The following AIRE variants were observed in gnomAD, a reference collection of about 807,000 sequenced individuals.
AIRE encodes the protein autoimmune regulator.
AIRE carries 52 observed loss-of-function variants against 62.1 expected under a neutral mutation model. The observed-to-expected ratio is 0.84, with a 90% CI of 0.67 to 1.06. The LOEUF (loss-of-function observed/expected upper bound fraction) is 1.06, where lower values mean the gene tolerates loss of function less well. AIRE is among the 50% of genes least tolerant of loss of function. The pLI is 0.00. For synonymous variants in AIRE, 342 were observed against 321.6 expected (o/e 1.06, Z -0.68); for missense variants, 774 against 755.8 (o/e 1.02, Z -0.28).
At chr21:44,290,502 G>GCCCCACAGA in intron 7 of AIRE, 2 of 937,842 alleles carry the variant, frequency 2.1e-6, no homozygotes, top group Non-Finnish European at 2.5e-6. Context: ...TGGCACCAGG[G>GCCCCACAGA]GCTCTGTGGG....
Position 44,287,471 on chromosome 21 carries a change from C to T in AIRE, c.464-46C>T, listed in dbSNP as rs938495466. On this transcript the variant is annotated intron_variant, in intron 3 of 13. Transcript: ENST00000291582. This position sits in a 1 kb window ranked among gnomAD's most constrained non-coding sequence, Gnocchi z 4.3. ...CGGGCCCCTGCCCACCGGCACTCAC[C>T]CCCACTGAGAGGGGAGGCCAGGCTG... 5.0e-6 allele frequency: 7 copies of T among 1,404,406 alleles called. No homozygotes were observed. The Admixed American group carries it at 1.4e-4, about 28-fold the overall frequency. 87.0% of individuals were successfully genotyped at this position (1,404,406 alleles called of 1,614,324 possible). A position where few individuals can be genotyped will look rare whatever the true frequency, so the allele number is the denominator to read the frequency against.
intron 5 of AIRE, 80 bp from the exon 6 acceptor site, chr21:44,289,577 C>A (rs879658444): frequency 6.3e-7 from 1 of 1,588,260 alleles, no homozygotes; most frequent in Non-Finnish European, 8.6e-7. Context: ...CTCTGCTAGA[C>A]CCCACCCTGG....
intron 12 of AIRE, among the ~76,000 whole-genome samples, chr21:44,296,170 G>A (rs1392922718): frequency 2.0e-5 from 3 of 152,244 alleles, no homozygotes; most frequent in East Asian, 1.9e-4. Flanking sequence ...TCTGGGGGCC[G>A]TGGGCAGCTG....
Position 44,293,059 on chromosome 21 carries a change from A to G in AIRE, c.1162A>G (p.Met388Val). The G allele has an allele frequency of 1.9e-6, 3 of 1,612,506 alleles. No homozygotes were observed. The highest frequency in any genetic ancestry group is 2.2e-5 in the East Asian group (1 of 44,862). Residue 388 changes from methionine (M) to valine (V), a missense_variant, in exon 10 of 14, where the codon ATG becomes GTG. Coordinates refer to ENST00000291582, the MANE Select transcript of AIRE (RefSeq NM_000383.4). ...RGPPGEPLAG[M>V]DTTLVYKHLP... ...TCCACCTGGGGAACCCCTAGCCGGC[A>G]TGGACACGACTCTTGTCTACAAGCA...
chr21:44,289,518 TG>T, intron 5 of AIRE, 138 bp from the exon 6 acceptor site: 1 of 1,229,398 alleles, frequency 8.1e-7, no homozygotes, highest in Non-Finnish European at 1.1e-6. Flanking sequence ...CAGACTCGAC[TG>T]GGGTGGGGGC....
intron 8 of AIRE, among the ~76,000 whole-genome samples, chr21:44,291,507 A>ACGCCCCCATGGGTAGCCGGCCCC (rs1270503849): frequency 6.6e-6 from 1 of 151,918 alleles, no homozygotes. Context: ...GCTGCAGCCC[A>ACGCCCCCATGGGTAGCCGGCCCC]CGCCCCCATG....
Position 44,293,911 on chromosome 21 carries a change from G to GT in AIRE, c.1400+2dup. 1 of 1,596,400 alleles carries GT rather than the reference G, an allele frequency of 6.3e-7. No homozygotes were observed. The highest frequency in any genetic ancestry group is 8.5e-7 in the Non-Finnish European group (1 of 1,179,434). ...TCCCAGCCGGCACCTCCCGGCCCGG[G>GT]TGAGTGAGCGTGGTCGGCGGGGAGG... is the stretch of plus-strand genomic sequence containing the variant. On this transcript the variant is annotated splice_donor_variant, in intron 11 of 13. Transcript: ENST00000291582. LOFTEE classifies it high-confidence loss of function.
At position 44,294,447 on chromosome 21, in the gene AIRE, C is replaced by G. The variant is rs780816581; in HGVS notation, c.1447C>G (p.Pro483Ala). The change falls in exon 12 of 14, where the codon CCT (proline) becomes GCT (alanine). Residue 483 changes from proline to alanine, a missense_variant. By Grantham distance (27) the Pro-to-Ala change is conservative (BLOSUM62 -1). Around this residue, in one of 3 missense-constraint regions of AIRE, gnomAD observed 354 missense variants for 296.1 expected, o/e 1.20. Coordinates refer to ENST00000291582, the MANE Select transcript of AIRE (RefSeq NM_000383.4). The stretch of plus-strand genomic sequence containing the variant: ...CTGCTCAGGAGACGTGACCCCAGCC[C>G]CTGTGGAGGGGGTGCTGGCCCCCAG... ...RSCSGDVTPA[P>A]VEGVLAPSPA... The G allele has an allele frequency of 5.1e-6, 8 of 1,573,790 alleles. No homozygotes were observed. The highest frequency in any genetic ancestry group is 6.9e-6 in the Non-Finnish European group (8 of 1,167,428).
chr21:44,295,131 C>T (rs1030248078), intron 12 of AIRE, among the ~76,000 whole-genome samples: 1 of 152,178 alleles, frequency 6.6e-6, no homozygotes, highest in Non-Finnish European at 1.5e-5. Flanking sequence ...CCGTCCCCAG[C>T]AGAGGCCTCC....
rs769360966 is a variant in AIRE at position 44,292,995 on chromosome 21, C to A, written c.1098C>A (p.Leu366=). The change falls in exon 10 of 14, where the codon CTC becomes CTA. Residue 366 remains leucine (L), a splice_region_variant and synonymous_variant. Coordinates refer to ENST00000291582, the MANE Select transcript of AIRE (RefSeq NM_000383.4). ...RPQEPPVETP[L]PPGLRSAGEE... ...TGATGCTGACCCTTGGGTTCCAGCT[C>A]CCCCCGGGGCTTAGGTCGGCGGGAG... is the stretch of plus-strand genomic sequence containing the variant. 5.0e-6 allele frequency: 8 copies of A among 1,611,962 alleles called. No homozygotes were observed. Among genetic ancestry groups the A allele is most frequent in the Middle Eastern group, 1.7e-4 (1 of 5,926 alleles).
intron 12 of AIRE, among the ~76,000 whole-genome samples, 189 bp downstream of exon 12, chr21:44,294,692 TTAAA>T (rs1469758049): frequency 6.6e-6 from 1 of 152,190 alleles, no homozygotes; most frequent in African/African-American, 2.4e-5. Context: ...TTTTGGCAAC[TTAAA>T]TATAGTTAAA....
In AIRE at chr21:44,287,841, C is replaced by A. The variant is rs1053504726; in HGVS notation, c.538+250C>A. 3.9e-5 allele frequency among the ~76,000 whole-genome samples: 6 copies of A among 152,284 alleles called. No homozygotes were observed. The highest frequency in any genetic ancestry group is 7.4e-5 in the Non-Finnish European group (5 of 68,004). ...CTGGGACCCCCTTCTCAGGCACCTT[C>A]TCTGCCCGTCCACTCCCTATCCTTC... On this transcript the variant is annotated intron_variant, in intron 4 of 13. Transcript: ENST00000291582. The surrounding 1 kb of genome is among the most constrained non-coding windows in gnomAD (Gnocchi z 4.3).
chr21:44,293,809 T>G lies in AIRE; in HGVS notation c.1299T>G (p.Arg433=), dbSNP rs780148497. 1.9e-6 allele frequency: 3 copies of G among 1,596,610 alleles called. No individual in the cohort carries two copies. In the South Asian group the frequency reaches 3.3e-5, roughly 18 times the overall value. ...CACAGAACCTGGCTCCTGGTGCGCG[T>G]TGCGGGGTGTGCGGAGATGGTACGG... The part of the protein sequence containing the change: ...EGQQNLAPGA[R]CGVCGDGTDV... Residue 433 remains arginine, a synonymous_variant, in exon 11 of 14, where the codon CGT becomes CGG. Coordinates refer to ENST00000291582, the MANE Select transcript of AIRE (RefSeq NM_000383.4).
Position 44,292,295 on chromosome 21 carries a change from C to A in AIRE, c.996-7C>A, listed in dbSNP as rs568895777. On this transcript the variant is annotated splice_polypyrimidine_tract_variant and splice_region_variant and intron_variant, in intron 8 of 13. Coordinates refer to ENST00000291582, the MANE Select transcript of AIRE (RefSeq NM_000383.4). ...TGCATGTCTCTGACTGGTGGACACACGAGCAGTGGGACCTGGAGGTGCTCC... is the reference window on the plus strand; with the variant it reads ...TGCATGTCTCTGACTGGTGGACACAAGAGCAGTGGGACCTGGAGGTGCTCC... The A allele has an allele frequency of 1.9e-6, 3 of 1,566,294 alleles. No homozygotes were observed. Among genetic ancestry groups the A allele is most frequent in the Non-Finnish European group, 1.7e-6 (2 of 1,155,546 alleles).
chr21:44,294,442 C>T lies in AIRE; in HGVS notation c.1442C>T (p.Pro481Leu), dbSNP rs1451239285. The change falls in exon 12 of 14, where the codon CCA becomes CTA. Residue 481 changes from proline (P) to leucine (L), a missense_variant. Coordinates refer to ENST00000291582, the MANE Select transcript of AIRE (RefSeq NM_000383.4). ...AGATCCTGCTCAGGAGACGTGACCC[C>T]AGCCCCTGTGGAGGGGGTGCTGGCC... ...RCRSCSGDVT[P>L]APVEGVLAPS... is the part of the protein sequence containing the mutation. 6 of 1,575,920 alleles carry T rather than the reference C, an allele frequency of 3.8e-6. No homozygotes were observed. The African/African-American group carries it at 4.0e-5, about 11-fold the overall frequency.
intron 11 of AIRE, 40 bp from the exon 12 acceptor site, chr21:44,294,361 C>T: frequency 7.0e-7 from 1 of 1,427,526 alleles, no homozygotes; most frequent in Non-Finnish European, 9.5e-7. Context: ...GGCACTCCTG[C>T]TCCCCCCCAG....
intron 12 of AIRE, among the ~76,000 whole-genome samples, chr21:44,296,044 G>C (rs1037379564): frequency 2.0e-5 from 3 of 152,176 alleles, no homozygotes; most frequent in African/African-American, 7.2e-5. Context: ...GGCGGGGGTG[G>C]CATGGACCAG....
rs753679257 is a variant in AIRE, at chr21:44,291,224, T to A, written c.995+14T>A. The A allele has an allele frequency of 4.4e-6, 7 of 1,598,200 alleles. No homozygotes were observed. Among genetic ancestry groups the A allele is most frequent in the Non-Finnish European group, 5.1e-6 (6 of 1,179,532 alleles). On this transcript the variant is annotated intron_variant, in intron 8 of 13. Transcript: ENST00000291582. ...GGAGATCCCCAGGTGAGCCTGCACCTCTGCCAGCGCAACCAGGCCACCCCG... is the reference window on the plus strand; with the variant it reads ...GGAGATCCCCAGGTGAGCCTGCACCACTGCCAGCGCAACCAGGCCACCCCG...
intron 11 of AIRE, 150 bp from the exon 12 acceptor site, chr21:44,294,251 T>G: frequency 6.7e-6 from 1 of 149,250 alleles, no homozygotes; most frequent in Non-Finnish European, 1.2e-5. Context: ...AACCCACCAC[T>G]CCCACTCTCC....
Sources: gnomAD v4.1 joint callset for allele counts (sites outside exome capture counted in the v4.1 genomes callset) on GRCh38, gnomAD v4.1.1 for gene constraint, gnomAD v4.1.1 regional missense constraint, Gnocchi (gnomAD v3.1) non-coding constraint, MANE v1.5 for transcripts, NCBI Gene and HGNC (gene_info 2026-07-23, HGNC 2026-07-21) for gene names.